KCNJ3: variants seen among roughly 807,000 people sequenced by gnomAD.
KCNJ3 encodes the protein potassium inwardly rectifying channel subfamily J member 3, also known as G protein-activated inward rectifier potassium channel 1.
A neutral mutation model predicts 39.2 loss-of-function variants in KCNJ3; 4 were observed. That is an observed-to-expected ratio of 0.10 (90% CI 0.05 to 0.23). The LOEUF is 0.23. Among genes scored for constraint, KCNJ3 ranks in the 10% least tolerant of loss-of-function variants. The pLI, the probability that KCNJ3 is intolerant of heterozygous loss-of-function variation, is 1.00. For missense variants in KCNJ3, 276 were observed against 634.9 expected (o/e 0.43, Z 6.08); for synonymous variants, 230 against 237.4 (o/e 0.97, Z 0.29).
In KCNJ3 at chr2:154,838,001, ATAT is replaced by A. The variant is rs1235648908; in HGVS notation, c.920-16720_920-16718del. Among the ~76,000 whole-genome samples, 5 of 152,238 alleles carry A rather than the reference ATAT, an allele frequency of 3.3e-5. No homozygotes were observed. In the East Asian group the frequency reaches 7.7e-4, roughly 23 times the overall value. ...ATTTTAATAAATGAATAAATGTTAAATATTATTACTGATTGATTGAACTCAAGT... is the reference window on the plus strand; with the variant it reads ...ATTTTAATAAATGAATAAATGTTAAATATTACTGATTGATTGAACTCAAGT... On this transcript the variant is annotated intron_variant, in intron 2 of 2. Coordinates refer to ENST00000295101, the MANE Select transcript of KCNJ3 (RefSeq NM_002239.4).
At chr2:154,772,935 A>C (rs564077470) in intron 2 of KCNJ3, among the ~76,000 whole-genome samples, 1 of 152,104 alleles carries the variant, frequency 6.6e-6, no homozygotes, top group South Asian at 2.1e-4. Context: ...TTTGTTTTAA[A>C]GTAGTATTTC....
intron 2 of KCNJ3, among the ~76,000 whole-genome samples, chr2:154,847,357 A>C (rs1431946317): frequency 1.3e-5 from 2 of 152,202 alleles, no homozygotes; most frequent in Non-Finnish European, 2.9e-5. Flanking sequence ...TATATCTTGG[A>C]AGATGGGTGA....
chr2:154,722,118 A>G (rs1384325194), intron 2 of KCNJ3, among the ~76,000 whole-genome samples: 2 of 144,646 alleles, frequency 1.4e-5, no homozygotes, highest in Non-Finnish European at 3.0e-5. Context: ...TCTCTTGAAC[A>G]AAACTACAAA....
In KCNJ3 at chr2:154,840,696, A is replaced by G. The variant is rs551708794; in HGVS notation, c.920-14031A>G. Among the ~76,000 whole-genome samples, 3 of 151,818 alleles carry G rather than the reference A, an allele frequency of 2.0e-5. No individual in the cohort carries two copies. In the East Asian group the frequency reaches 5.9e-4, roughly 30 times the overall value. ...CCTAGGTATTTTATTCTTTGTAGCA[A>G]TTGTGAATGGGAGTTCACTCATGAT... is the stretch of plus-strand genomic sequence containing the variant. On this transcript the variant is annotated intron_variant, in intron 2 of 2. Transcript: ENST00000295101.
At chr2:154,748,553 C>T (rs550499702) in intron 2 of KCNJ3, among the ~76,000 whole-genome samples, 4 of 152,122 alleles carry the variant, frequency 2.6e-5, no homozygotes, top group East Asian at 3.9e-4. Context: ...CAGTGCCCTT[C>T]GTCCTGTGCC....
chr2:154,779,372 C>T (rs1686394035), intron 2 of KCNJ3, among the ~76,000 whole-genome samples: 1 of 150,572 alleles, frequency 6.6e-6, no homozygotes, highest in Non-Finnish European at 1.5e-5. Flanking sequence ...CTCCTCCTAG[C>T]ATCCTAAAGG....
chr2:154,758,886 A>C (rs1400435907), intron 2 of KCNJ3, among the ~76,000 whole-genome samples: 3 of 152,188 alleles, frequency 2.0e-5, no homozygotes, highest in African/African-American at 7.2e-5. Context: ...GGGTGTTCTA[A>C]AGTATTTGTC....
At chr2:154,786,349 T>C (rs531879260) in intron 2 of KCNJ3, among the ~76,000 whole-genome samples, 1 of 152,292 alleles carries the variant, frequency 6.6e-6, no homozygotes, top group East Asian at 1.9e-4. Flanking sequence ...CAAGGGGACA[T>C]AGAAAGCCAA....
At chr2:154,761,906 A>T (rs1299533842) in intron 2 of KCNJ3, among the ~76,000 whole-genome samples, 1 of 152,198 alleles carries the variant, frequency 6.6e-6, no homozygotes, top group Non-Finnish European at 1.5e-5. Context: ...GACTTTGCAG[A>T]TGTGGTTATG....
At chr2:154,827,317 A>G (rs1558884293) in intron 2 of KCNJ3, among the ~76,000 whole-genome samples, 1 of 151,952 alleles carries the variant, frequency 6.6e-6, no homozygotes. Context: ...GTGTTTTTCT[A>G]TTTTATTCAA....
intron 2 of KCNJ3, among the ~76,000 whole-genome samples, chr2:154,805,519 A>C (rs931765946): frequency 6.6e-6 from 1 of 152,152 alleles, no homozygotes; most frequent in African/African-American, 2.4e-5. Context: ...ACATCATATG[A>C]ATTACAGTTT....
chr2:154,707,760 C>G (rs1017383659), intron 1 of KCNJ3, among the ~76,000 whole-genome samples: 1 of 152,104 alleles, frequency 6.6e-6, no homozygotes, highest in Non-Finnish European at 1.5e-5. Context: ...CAGAATACCA[C>G]CTTGTGTTTA....
At chr2:154,743,746 T>C (rs1685690691) in intron 2 of KCNJ3, among the ~76,000 whole-genome samples, 1 of 151,652 alleles carries the variant, frequency 6.6e-6, no homozygotes, top group African/African-American at 2.4e-5. Context: ...CTATTTTTTT[T>C]ACAAAGAAAA....
At chr2:154,810,416 A>G (rs1348652258) in intron 2 of KCNJ3, among the ~76,000 whole-genome samples, 1 of 152,158 alleles carries the variant, frequency 6.6e-6, no homozygotes, top group Non-Finnish European at 1.5e-5. Context: ...TCAAGGAATA[A>G]GAAAAACAGG....
intron 2 of KCNJ3, among the ~76,000 whole-genome samples, chr2:154,749,224 C>T (rs1386957496): frequency 1.1e-4 from 16 of 152,072 alleles, no homozygotes; most frequent in Admixed American, 9.2e-4. Context: ...GACAAGTAAG[C>T]GACCTTTCAA....
At chr2:154,703,421 CCT>C (rs1684945479) in intron 1 of KCNJ3, among the ~76,000 whole-genome samples, 1 of 151,808 alleles carries the variant, frequency 6.6e-6, no homozygotes, top group South Asian at 2.1e-4. Context: ...ACATTCCTTT[CCT>C]CTTCTAACAT....
chr2:154,825,086 TC>T (rs1387139789), intron 2 of KCNJ3, among the ~76,000 whole-genome samples: 1 of 152,234 alleles, frequency 6.6e-6, no homozygotes, highest in Middle Eastern at 3.2e-3. Context: ...ACTTTTGTTT[TC>T]TTTAATACAT....
chr2:154,836,031 C>T (rs1212034719), intron 2 of KCNJ3, among the ~76,000 whole-genome samples: 2 of 151,674 alleles, frequency 1.3e-5, no homozygotes, highest in Non-Finnish European at 1.5e-5. Context: ...GCCAACATGG[C>T]GAAACCCTGT....
At chr2:154,843,977 G>C (rs900827176) in intron 2 of KCNJ3, among the ~76,000 whole-genome samples, 1 of 152,178 alleles carries the variant, frequency 6.6e-6, no homozygotes, top group East Asian at 1.9e-4. Context: ...ATCCAGCTTT[G>C]TTCCATTGCT....
Sources: gnomAD v4.1 joint callset for allele counts (sites outside exome capture counted in the v4.1 genomes callset) on GRCh38, gnomAD v4.1.1 for gene constraint, MANE v1.5 for transcripts, NCBI Gene and HGNC (gene_info 2026-07-23, HGNC 2026-07-21) for gene names.